The following SCAP variants were observed in gnomAD, a reference collection of about 807,000 sequenced individuals.
SCAP encodes the protein sterol regulatory element-binding protein cleavage-activating protein.
SCAP carries 65 observed loss-of-function variants against 123.6 expected under a neutral mutation model. The observed-to-expected ratio is 0.53, with a 90% CI of 0.43 to 0.65. The LOEUF is 0.65. Among genes scored for constraint, SCAP ranks in the 30% least tolerant of loss-of-function variants. The pLI is 0.00. For missense variants in SCAP, 1,398 were observed against 1,712.5 expected, an observed-to-expected ratio of 0.82 and a Z score of 3.24; for synonymous variants, 740 against 726.3, an observed-to-expected ratio of 1.02 and a Z score of -0.30.
chr3:47,444,048 C>T (rs1029172984), intron 1 of SCAP, among the ~76,000 whole-genome samples: 3 of 152,162 alleles, frequency 2.0e-5, no homozygotes, highest in African/African-American at 4.8e-5. Context: ...GTAAGCTATT[C>T]TATACCCTTC....
rs968547837 is a variant in SCAP at position 47,439,269 on chromosome 3, C to T, written c.122+3603G>A. Among the ~76,000 whole-genome samples the T allele has an allele frequency of 5.3e-5, 8 of 152,126 alleles. No individual in the cohort carries two copies. The highest frequency in any genetic ancestry group is 6.8e-3 in the Middle Eastern group (2 of 294). ...ACTAAAAATACAAAAAATAGCCGGA[C>T]GTGGTGGCTCACACCTGTAATCCCA... On this transcript the variant is annotated intron_variant, in intron 2 of 22. Coordinates refer to ENST00000265565, the MANE Select transcript of SCAP (RefSeq NM_012235.4). The surrounding 1 kb of genome is among the most constrained non-coding windows in gnomAD (Gnocchi z 4.0).
At position 47,418,553 on chromosome 3, in the gene SCAP, C is replaced by T. The variant is rs775782835; in HGVS notation, c.2130-31G>A. ...CGGGAGGGCGGACTGCTGTGAGACACACCTCACAGCCTGTCCCCTCCCCTC... is the reference window on the plus strand; with the variant it reads ...CGGGAGGGCGGACTGCTGTGAGACATACCTCACAGCCTGTCCCCTCCCCTC... On this transcript the variant is annotated intron_variant, in intron 14 of 22. Transcript: ENST00000265565. 3 of 1,565,370 alleles carry T rather than the reference C, an allele frequency of 1.9e-6. No homozygotes were observed. The South Asian group carries it at 3.5e-5, about 18-fold the overall frequency.
chr3:47,465,135 C>A (rs1407050395), intron 1 of SCAP, among the ~76,000 whole-genome samples: 2 of 151,744 alleles, frequency 1.3e-5, no homozygotes, highest in East Asian at 3.9e-4. Flanking sequence ...AGAAATCCCA[C>A]TTTCCCACTT....
rs910327956 is a variant in SCAP at position 47,419,376 on chromosome 3, C to T, written c.1892G>A (p.Arg631His). ...DEELWRKLSF[R>H]HWPTLFSYYN... is the part of the protein sequence containing the mutation. ...ATAGCTGAAGAGCGTCGGCCAGTGG[C>T]GGAAGGACAATTTCCTCCAAAGTTC... is the stretch of plus-strand genomic sequence containing the variant. The change falls in exon 13 of 23, where the codon CGC becomes CAC. Residue 631 changes from arginine (R) to histidine (H), a missense_variant. Arg to His is a conservative substitution (Grantham distance 29, BLOSUM62 0). This residue lies in a region of SCAP where 828 missense variants were observed against 882.5 expected (regional missense o/e 0.94). Coordinates refer to ENST00000265565, the MANE Select transcript of SCAP (RefSeq NM_012235.4). The surrounding 1 kb of genome is among the most constrained non-coding windows in gnomAD (Gnocchi z 5.0). The T allele has an allele frequency of 1.1e-5, 18 of 1,611,952 alleles. No individual in the cohort carries two copies. Among genetic ancestry groups the T allele is most frequent in the Admixed American group, 3.3e-5 (2 of 59,880 alleles).
chr3:47,474,923 G>A (rs1327829851), intron 1 of SCAP, among the ~76,000 whole-genome samples: 1 of 152,146 alleles, frequency 6.6e-6, no homozygotes, highest in Non-Finnish European at 1.5e-5. Flanking sequence ...TCAATATCCT[G>A]ACCTGACAGC....
intron 4 of SCAP, 42 bp downstream of exon 4, chr3:47,428,471 C>T: frequency 1.3e-6 from 2 of 1,597,376 alleles, no homozygotes; most frequent in South Asian, 1.1e-5. Context: ...CCCTTCAGTA[C>T]AGAATGGGAT....
chr3:47,418,370 G>C lies in SCAP; in HGVS notation c.2282C>G (p.Ala761Gly). The C allele has an allele frequency of 6.4e-7, 1 of 1,571,808 alleles. No individual in the cohort carries two copies. Among genetic ancestry groups the C allele is most frequent in the Admixed American group, 1.8e-5 (1 of 54,578 alleles). The change falls in exon 15 of 23, where the codon GCG becomes GGG. Residue 761 changes from alanine (A) to glycine (G), a missense_variant. Coordinates refer to ENST00000265565, the MANE Select transcript of SCAP (RefSeq NM_012235.4). ...CGGCACGATCTCCGTCTCGGGTGGC[G>C]CATAGCCGTAGTCGTCGCAGGGCAG... ...GELPCDDYGYAPPETEIVPLV... is the reference protein window; with the variant it reads ...GELPCDDYGYGPPETEIVPLV...
intron 1 of SCAP, among the ~76,000 whole-genome samples, chr3:47,454,362 C>T (rs1420135854): frequency 3.3e-5 from 5 of 149,968 alleles, no homozygotes; most frequent in South Asian, 2.1e-4. Context: ...AGTGAGACTC[C>T]GTCACAAAAA....
Position 47,417,727 on chromosome 3 carries a change from C to A in SCAP, c.2547G>T (p.Gly849=), listed in dbSNP as rs762182225. 6.2e-7 allele frequency: 1 copy of A among 1,607,878 alleles called. No individual in the cohort carries two copies. ...GGCGGTGTCTCAGGGGAGGGCTGTC[C>A]CCAGGCTCCTCTGGACCAGCCTTCC... ...DGGKAGPEEP[G]DSPPLRHRPR... The change falls in exon 17 of 23, where the codon GGG becomes GGT. Residue 849 remains glycine, a synonymous_variant. Coordinates refer to ENST00000265565, the MANE Select transcript of SCAP (RefSeq NM_012235.4).
rs1420833651 is a variant in SCAP, at chr3:47,435,019, G to C, written c.241C>G (p.Gln81Glu). 1.2e-6 allele frequency: 2 copies of C among 1,614,128 alleles called. No individual in the cohort carries two copies. The highest frequency in any genetic ancestry group is 8.5e-7 in the Non-Finnish European group (1 of 1,179,990). The stretch of plus-strand genomic sequence containing the variant: ...TGACGAGTACCCACCCACTCAGGCT[G>C]CTCAGTAGGCTCTCCTTGTTTGCGG... ...SDRKQGEPTE[Q>E]PEWYVGAPVA... The change falls in exon 3 of 23, where the codon CAG (glutamine) becomes GAG (glutamate). Residue 81 changes from glutamine (Q) to glutamate (E), a missense_variant. Transcript: ENST00000265565.
In SCAP at chr3:47,414,848, C is replaced by T; in HGVS notation, c.3285G>A (p.Gly1095=). Residue 1095 remains glycine (G), a synonymous_variant, in exon 20 of 23, where the codon GGG becomes GGA. Coordinates refer to ENST00000265565, the MANE Select transcript of SCAP (RefSeq NM_012235.4). ...LKAAAGRLVT[G]SQDHTLRVFR... ...TCACTCTCAGTGTGTGGTCTTGGCTCCCAGTCACCAAGCGCCCAGCAGCGG... is the reference window on the plus strand; with the variant it reads ...TCACTCTCAGTGTGTGGTCTTGGCTTCCAGTCACCAAGCGCCCAGCAGCGG... 2 of 1,609,094 alleles carry T rather than the reference C, an allele frequency of 1.2e-6. No individual in the cohort carries two copies. The highest frequency in any genetic ancestry group is 1.7e-6 in the Non-Finnish European group (2 of 1,177,966).
chr3:47,457,439 A>C (rs1707469311), intron 1 of SCAP, among the ~76,000 whole-genome samples: 1 of 152,172 alleles, frequency 6.6e-6, no homozygotes, highest in Non-Finnish European at 1.5e-5. Flanking sequence ...AGGAGAAGGG[A>C]ATAACTGAAT....
chr3:47,418,154 T>C lies in SCAP; in HGVS notation c.2427A>G (p.Leu809=), dbSNP rs2107771723. The change falls in exon 16 of 23, where the codon CTA becomes CTG. Residue 809 remains leucine, a synonymous_variant. Transcript: ENST00000265565. ...CCTACCCTGGGCGCGGAATGCGCGT[T>C]AGGCAATCCCCGGTCTGCGCGTCCC... ...CVWDAQTGDC[L]TRIPRPGRQR... is the part of the protein sequence containing the mutation. 1 of 1,568,732 alleles carries C rather than the reference T, an allele frequency of 6.4e-7. No individual in the cohort carries two copies. The highest frequency in any genetic ancestry group is 8.6e-7 in the Non-Finnish European group (1 of 1,157,624).
At position 47,415,119 on chromosome 3, in the gene SCAP, G is replaced by C; in HGVS notation, c.3118C>G (p.Leu1040Val). The C allele has an allele frequency of 5.6e-6, 9 of 1,611,988 alleles. No individual in the cohort carries two copies. The highest frequency in any genetic ancestry group is 7.6e-6 in the Non-Finnish European group (9 of 1,179,410). The change falls in exon 19 of 23, where the codon CTC (leucine) becomes GTC (valine). Residue 1040 changes from leucine (L) to valine (V), a missense_variant. Physicochemically the swap from Leu to Val is conservative, Grantham distance 32 (BLOSUM62 1). This residue lies in a region of SCAP where 828 missense variants were observed against 882.5 expected (regional missense o/e 0.94). Transcript: ENST00000265565. Reference protein sequence around the residue: ...DFFSLETHTALSPLQFRGTPG... With the variant: ...DFFSLETHTAVSPLQFRGTPG... Reference sequence around the variant, plus strand: ...CGACCTCTAAACTGCAGGGGGCTGAGGGCAGTGTGGGTCTCCAAGGAGAAG... The same window carrying C: ...CGACCTCTAAACTGCAGGGGGCTGACGGCAGTGTGGGTCTCCAAGGAGAAG...
intron 18 of SCAP, among the ~76,000 whole-genome samples, chr3:47,416,475 T>C (rs1307207707): frequency 6.6e-6 from 1 of 152,142 alleles, no homozygotes; most frequent in Non-Finnish European, 1.5e-5. Flanking sequence ...GGCTCAATAT[T>C]GACAAGCTAA....
chr3:47,423,874 G>T, intron 9 of SCAP, 59 bp downstream of exon 9: 3 of 1,206,292 alleles, frequency 2.5e-6, no homozygotes, highest in South Asian at 1.2e-5. Flanking sequence ...ACAGCAAGAG[G>T]AACAGGCCCC....
At chr3:47,470,977 A>T (rs1373961858) in intron 1 of SCAP, among the ~76,000 whole-genome samples, 1 of 152,220 alleles carries the variant, frequency 6.6e-6, no homozygotes, top group Non-Finnish European at 1.5e-5. Flanking sequence ...AAAAAAGTAT[A>T]ATGAGGATTA....
intron 3 of SCAP, among the ~76,000 whole-genome samples, chr3:47,429,909 G>C (rs1706291370): frequency 1.3e-5 from 2 of 152,182 alleles, no homozygotes; most frequent in African/African-American, 4.8e-5. Context: ...TACTGATTCA[G>C]GTTTTGTCAC....
intron 2 of SCAP, 43 bp from the exon 3 acceptor site, chr3:47,435,180 G>A: frequency 1.9e-6 from 3 of 1,576,612 alleles, no homozygotes; most frequent in Middle Eastern, 1.7e-4. Flanking sequence ...CACTATGAGA[G>A]GCAGTCCTCT....
Sources: allele counts gnomAD v4.1 joint callset (sites outside exome capture counted in the v4.1 genomes callset), GRCh38; gene constraint gnomAD v4.1.1; regional missense constraint gnomAD v4.1.1; non-coding constraint Gnocchi (gnomAD v3.1); transcripts MANE v1.5; gene names NCBI Gene and HGNC (gene_info 2026-07-23, HGNC 2026-07-21).